The following MACROD2 variants were observed in gnomAD, a reference collection of about 807,000 sequenced individuals.
MACROD2 encodes the protein mono-ADP ribosylhydrolase 2, also known as ADP-ribose glycohydrolase MACROD2.
A neutral mutation model predicts 70.4 loss-of-function variants in MACROD2; 36 were observed. The observed-to-expected ratio is 0.51, with a 90% CI of 0.39 to 0.68. The LOEUF is 0.68. MACROD2 is among the 30% of genes least tolerant of loss of function. The pLI is 0.00. For missense variants in MACROD2, 496 were observed against 538.4 expected (o/e 0.92, Z 0.78); for synonymous variants, 172 against 178.8 (o/e 0.96, Z 0.30).
chr20:15,454,442 CA>C (rs1345744457), intron 7 of MACROD2, among the ~76,000 whole-genome samples: 11 of 115,196 alleles, frequency 9.5e-5, no homozygotes, highest in African/African-American at 3.1e-4. Flanking sequence ...CACACACACA[CA>C]CACACACACA....
At chr20:15,268,682 C>T (rs1002421477) in intron 6 of MACROD2, among the ~76,000 whole-genome samples, 9 of 152,108 alleles carry the variant, frequency 5.9e-5, no homozygotes, top group Admixed American at 3.3e-4. Context: ...TTGAAATTCC[C>T]TTCCCTTTTT....
chr20:14,335,729 C>T (rs1283189814), intron 3 of MACROD2, among the ~76,000 whole-genome samples: 1 of 152,122 alleles, frequency 6.6e-6, no homozygotes, highest in African/African-American at 2.4e-5. Flanking sequence ...TATTCATTCA[C>T]TAATATTTTG....
chr20:15,843,024 G>T (rs901833412), intron 8 of MACROD2, among the ~76,000 whole-genome samples: 12 of 152,278 alleles, frequency 7.9e-5, no homozygotes, highest in Middle Eastern at 3.4e-3. Flanking sequence ...CTAGATTTCA[G>T]TCACGACCCT....
At chr20:16,030,244 G>A (rs1008250594) in intron 15 of MACROD2, among the ~76,000 whole-genome samples, 4 of 152,140 alleles carry the variant, frequency 2.6e-5, no homozygotes, top group Admixed American at 2.0e-4. Flanking sequence ...AAATTTGGGG[G>A]GAACCTGGGC....
rs566818169 is a variant in MACROD2, at chr20:16,039,458, A to G, written c.1154-1743A>G. Among the ~76,000 whole-genome samples, 112 of 151,548 alleles carry G rather than the reference A, an allele frequency of 7.4e-4. No homozygotes were observed. In the Middle Eastern group the frequency reaches 0.014, roughly 18 times the overall value. On this transcript the variant is annotated intron_variant, in intron 15 of 17. Coordinates refer to ENST00000684519, the MANE Select transcript of MACROD2 (RefSeq NM_001351661.2). ...GCCTTATATATTAAAGATTGTAGTA[A>G]CACTTTGTCTACGATAAAAGGTGCA...
At chr20:14,114,189 CT>C (rs150668342) in intron 3 of MACROD2, among the ~76,000 whole-genome samples, 2,137 of 152,154 alleles carry the variant, frequency 0.014, 44 homozygotes, top group African/African-American at 0.048. Flanking sequence ...AAGCAATTTC[CT>C]TGACAATAAG....
At chr20:14,545,684 T>C (rs982626108) in intron 4 of MACROD2, among the ~76,000 whole-genome samples, 1 of 152,226 alleles carries the variant, frequency 6.6e-6, no homozygotes, top group Non-Finnish European at 1.5e-5. Flanking sequence ...TTGTTAAAGT[T>C]CACTTTTGAG....
At chr20:14,306,793 G>A (rs1258556626) in intron 3 of MACROD2, among the ~76,000 whole-genome samples, 1 of 152,078 alleles carries the variant, frequency 6.6e-6, no homozygotes, top group Non-Finnish European at 1.5e-5. Context: ...GGTTGACAAA[G>A]CAAAGATCAA....
At chr20:15,860,444 C>T (rs1041556212) in intron 8 of MACROD2, among the ~76,000 whole-genome samples, 1 of 152,056 alleles carries the variant, frequency 6.6e-6, no homozygotes, top group Non-Finnish European at 1.5e-5. Context: ...AAAAAGTCAA[C>T]AATCGTAGAT....
At chr20:14,980,003 A>G (rs2122834034) in intron 5 of MACROD2, among the ~76,000 whole-genome samples, 1 of 152,322 alleles carries the variant, frequency 6.6e-6, no homozygotes, top group East Asian at 1.9e-4. Flanking sequence ...CCACTTGGTA[A>G]TAATAATGGC....
chr20:15,765,507 G>C (rs2051507764), intron 8 of MACROD2, among the ~76,000 whole-genome samples: 1 of 152,162 alleles, frequency 6.6e-6, no homozygotes, highest in African/African-American at 2.4e-5. Flanking sequence ...TAAATGTGTA[G>C]AAAATGGCAC....
At chr20:14,679,386 A>G in intron 4 of MACROD2, among the ~76,000 whole-genome samples, 1 of 152,082 alleles carries the variant, frequency 6.6e-6, no homozygotes, top group East Asian at 1.9e-4. Context: ...CAGCAAGGTC[A>G]TGGGTGTGGC....
At chr20:15,021,924 A>C (rs1002120274) in intron 5 of MACROD2, among the ~76,000 whole-genome samples, 9 of 152,142 alleles carry the variant, frequency 5.9e-5, no homozygotes, top group Non-Finnish European at 1.3e-4. Flanking sequence ...CAGGAAACTG[A>C]GAAAGAGGGG....
chr20:15,037,677 T>A (rs988921239), intron 5 of MACROD2, among the ~76,000 whole-genome samples: 2 of 116,520 alleles, frequency 1.7e-5, no homozygotes, highest in African/African-American at 2.8e-5. Flanking sequence ...TATTTTAACT[T>A]TAACTCTTTT....
At chr20:14,875,558 G>T (rs1304597139) in intron 5 of MACROD2, among the ~76,000 whole-genome samples, 1 of 152,078 alleles carries the variant, frequency 6.6e-6, no homozygotes, top group African/African-American at 2.4e-5. Flanking sequence ...GTGATGCTGA[G>T]GTTTGGGGTA....
At chr20:14,102,845 T>G (rs2054318268) in intron 3 of MACROD2, among the ~76,000 whole-genome samples, 1 of 150,556 alleles carries the variant, frequency 6.6e-6, no homozygotes, top group Non-Finnish European at 1.5e-5. Context: ...GGGAAGAACT[T>G]TTTTTTTTGA....
At chr20:14,755,939 A>G (rs1229111333) in intron 5 of MACROD2, among the ~76,000 whole-genome samples, 1 of 152,032 alleles carries the variant, frequency 6.6e-6, no homozygotes, top group African/African-American at 2.4e-5. Flanking sequence ...TTCAAAACTG[A>G]TCTCTTAAGA....
intron 7 of MACROD2, among the ~76,000 whole-genome samples, chr20:15,470,489 A>G (rs2046950787): frequency 6.6e-6 from 1 of 152,074 alleles, no homozygotes; most frequent in African/African-American, 2.4e-5. Context: ...GGAGGGGGAA[A>G]CTACTCCTTT....
chr20:15,899,224 GTA>G (rs1379498627), intron 10 of MACROD2, among the ~76,000 whole-genome samples: 1 of 151,654 alleles, frequency 6.6e-6, no homozygotes, highest in Admixed American at 6.6e-5. Context: ...AGACATATAT[GTA>G]TATATGTATA....
Sources: allele counts gnomAD v4.1 joint callset (sites outside exome capture counted in the v4.1 genomes callset), GRCh38; gene constraint gnomAD v4.1.1; transcripts MANE v1.5; gene names NCBI Gene and HGNC (gene_info 2026-07-23, HGNC 2026-07-21).